Variants in TMEM232 observed in about 807,000 individuals in gnomAD.
TMEM232 encodes the protein transmembrane protein 232.
A neutral mutation model predicts 78.8 loss-of-function variants in TMEM232; 80 were observed. The ratio of observed to expected loss-of-function variants is 1.01; its 90% CI spans 0.85 to 1.22. The LOEUF (loss-of-function observed/expected upper bound fraction) is 1.22, where lower values mean the gene tolerates loss of function less well. Ranked by LOEUF, TMEM232 falls within the 50% of genes most tolerant of loss-of-function variation. The pLI, the probability that TMEM232 is intolerant of heterozygous loss-of-function variation, is 0.00. For missense variants in TMEM232, 881 were observed against 742.2 expected (o/e 1.19, Z -2.17); for synonymous variants, 297 against 254.3 (o/e 1.17, Z -1.60).
At chr5:110,714,675 C>T (rs1377909263) in intron 1 of TMEM232, among the ~76,000 whole-genome samples, 2 of 152,046 alleles carry the variant, frequency 1.3e-5, no homozygotes, top group Admixed American at 6.6e-5. Flanking sequence ...TTTAGCACTA[C>T]CAAATAGAAT....
chr5:110,436,090 C>G (rs1022532340), intron 12 of TMEM232, among the ~76,000 whole-genome samples: 10 of 151,894 alleles, frequency 6.6e-5, no homozygotes, highest in Non-Finnish European at 1.0e-4. Context: ...TGCAAGGGAT[C>G]CCTTCTCTCC....
chr5:110,570,323 C>T (rs771051610), intron 10 of TMEM232, among the ~76,000 whole-genome samples: 5 of 151,850 alleles, frequency 3.3e-5, no homozygotes, highest in Non-Finnish European at 7.4e-5. Flanking sequence ...AATAAAAAAG[C>T]CCAAATTTAA....
At chr5:110,594,596 C>T (rs1474185571) in intron 10 of TMEM232, among the ~76,000 whole-genome samples, 2 of 152,138 alleles carry the variant, frequency 1.3e-5, no homozygotes, top group Non-Finnish European at 2.9e-5. Flanking sequence ...CTGAAGGCAG[C>T]CTGGGAGGAT....
chr5:110,646,226 A>G (rs1191739048), intron 2 of TMEM232, among the ~76,000 whole-genome samples: 2 of 151,774 alleles, frequency 1.3e-5, no homozygotes, highest in Non-Finnish European at 3.0e-5. Context: ...TACAGAAATA[A>G]TAATAACATT....
intron 12 of TMEM232, among the ~76,000 whole-genome samples, chr5:110,505,355 G>C (rs1163122275): frequency 3.3e-5 from 5 of 152,228 alleles, no homozygotes; most frequent in Admixed American, 2.6e-4. Context: ...TTTAGCCTAA[G>C]AACAAGTCCT....
chr5:110,456,320 A>T (rs1187503143), intron 12 of TMEM232, among the ~76,000 whole-genome samples: 1 of 152,126 alleles, frequency 6.6e-6, no homozygotes, highest in Admixed American at 6.5e-5. Flanking sequence ...CAAAAACATA[A>T]AATATGTTAC....
intron 1 of TMEM232, among the ~76,000 whole-genome samples, chr5:110,719,158 T>A (rs747923796): frequency 6.6e-6 from 1 of 151,942 alleles, no homozygotes; most frequent in Non-Finnish European, 1.5e-5. Flanking sequence ...AGTACATGAC[T>A]GCGTGTGTGT....
At chr5:110,699,093 C>A (rs1413663235) in intron 1 of TMEM232, among the ~76,000 whole-genome samples, 5 of 151,772 alleles carry the variant, frequency 3.3e-5, no homozygotes, top group Non-Finnish European at 5.9e-5. Flanking sequence ...AACAAACAAA[C>A]AAAAAAAGCA....
At chr5:110,668,322 G>T (rs1044346176) in intron 1 of TMEM232, among the ~76,000 whole-genome samples, 1 of 152,100 alleles carries the variant, frequency 6.6e-6, no homozygotes, top group Non-Finnish European at 1.5e-5. Context: ...AAAAGCTTTG[G>T]CCTTTAAGTG....
intron 12 of TMEM232, among the ~76,000 whole-genome samples, chr5:110,478,552 G>A (rs775703464): frequency 1.9e-4 from 29 of 151,842 alleles, no homozygotes; most frequent in Admixed American, 1.4e-3. Context: ...TATTTTGCAT[G>A]AGTATATATA....
At chr5:110,469,771 G>A (rs375225865) in intron 12 of TMEM232, among the ~76,000 whole-genome samples, 7 of 152,142 alleles carry the variant, frequency 4.6e-5, no homozygotes, top group Non-Finnish European at 7.4e-5. Context: ...TTGGCTAAGC[G>A]GAGCAGCTAT....
chr5:110,591,169 T>C (rs914926360), intron 10 of TMEM232, among the ~76,000 whole-genome samples: 1 of 152,152 alleles, frequency 6.6e-6, no homozygotes, highest in African/African-American at 2.4e-5. Flanking sequence ...ATAAGAACAT[T>C]ATTTGAGGCC....
chr5:110,599,507 G>A (rs547528375), intron 10 of TMEM232, among the ~76,000 whole-genome samples: 3 of 152,084 alleles, frequency 2.0e-5, no homozygotes, highest in South Asian at 2.1e-4. Flanking sequence ...CAAAAATGCA[G>A]GGATTGCAAT....
At chr5:110,703,285 T>C (rs1795612729) in intron 1 of TMEM232, among the ~76,000 whole-genome samples, 1 of 127,184 alleles carries the variant, frequency 7.9e-6, no homozygotes, top group Non-Finnish European at 1.8e-5. Flanking sequence ...TGCTTGTAAT[T>C]TATGGTATGG....
chr5:110,641,747 T>TA (rs1786756195), intron 3 of TMEM232, among the ~76,000 whole-genome samples: 1 of 152,170 alleles, frequency 6.6e-6, no homozygotes, highest in Non-Finnish European at 1.5e-5. Flanking sequence ...CTGTAAAACT[T>TA]AAACTGAATC....
intron 1 of TMEM232, among the ~76,000 whole-genome samples, chr5:110,715,544 T>C (rs1322481337): frequency 6.6e-6 from 1 of 152,166 alleles, no homozygotes; most frequent in Non-Finnish European, 1.5e-5. Context: ...TATCCGAATA[T>C]CTTTATGAAA....
chr5:110,443,980 T>C (rs1480672505), intron 12 of TMEM232, among the ~76,000 whole-genome samples: 2 of 152,146 alleles, frequency 1.3e-5, no homozygotes, highest in Non-Finnish European at 2.9e-5. Flanking sequence ...TCCTCTTTAC[T>C]TATTGCTCTC....
At chr5:110,531,383 C>T (rs1219952220) in intron 11 of TMEM232, among the ~76,000 whole-genome samples, 2 of 152,188 alleles carry the variant, frequency 1.3e-5, no homozygotes, top group African/African-American at 4.8e-5. Flanking sequence ...GATCAATCCC[C>T]TGTCCTCCTG....
At chr5:110,424,752 T>C (rs1393996785) in intron 13 of TMEM232, 71 bp downstream of exon 13, 4 of 1,232,648 alleles carry the variant, frequency 3.2e-6, no homozygotes, top group Admixed American at 2.4e-5. Context: ...GTCTCAGAAC[T>C]ACATTTTATC....
Sources: gnomAD v4.1 joint callset for allele counts (sites outside exome capture counted in the v4.1 genomes callset) on GRCh38, gnomAD v4.1.1 for gene constraint, MANE v1.5 for transcripts, NCBI Gene and HGNC (gene_info 2026-07-23, HGNC 2026-07-21) for gene names.